The following GALNT17 variants were observed in gnomAD, a reference collection of about 807,000 sequenced individuals.
The protein encoded by GALNT17 is UDP-GalNAc:polypeptide N-acetylgalactosaminyltransferase-like 3.
In GALNT17, 29 loss-of-function variants were observed where a neutral mutation model predicts 63.7. The ratio of observed to expected loss-of-function variants is 0.46; its 90% CI spans 0.34 to 0.62. GALNT17 has a LOEUF of 0.62. Ranked by LOEUF, GALNT17 falls within the 20% of genes least tolerant of loss-of-function variation. GALNT17 has a pLI of 0.01. For missense variants in GALNT17, 603 were observed against 799.6 expected, an observed-to-expected ratio of 0.75 and a Z score of 2.97; for synonymous variants, 305 against 318.3, an observed-to-expected ratio of 0.96 and a Z score of 0.45.
At chr7:71,259,512 T>C (rs971498802) in intron 1 of GALNT17, among the ~76,000 whole-genome samples, 57 of 152,176 alleles carry the variant, frequency 3.7e-4, no homozygotes, top group Admixed American at 2.7e-3. Context: ...CCCTGTCCTG[T>C]GTCTCAGATC....
intron 5 of GALNT17, among the ~76,000 whole-genome samples, chr7:71,481,458 G>A (rs1787815979): frequency 6.6e-6 from 1 of 152,062 alleles, no homozygotes; most frequent in Non-Finnish European, 1.5e-5. Flanking sequence ...TCAAAAAAAA[G>A]AAAAAGGCTG....
At chr7:71,312,032 C>T (rs1454828115) in intron 1 of GALNT17, among the ~76,000 whole-genome samples, 2 of 152,204 alleles carry the variant, frequency 1.3e-5, no homozygotes, top group Non-Finnish European at 2.9e-5. Flanking sequence ...ATAGCAACAC[C>T]AGGCAGTTAC....
intron 5 of GALNT17, among the ~76,000 whole-genome samples, chr7:71,437,671 C>T (rs1198027646): frequency 2.0e-5 from 3 of 152,070 alleles, no homozygotes; most frequent in African/African-American, 7.2e-5. Context: ...AGAACATCTC[C>T]CAGGTTCTGG....
At chr7:71,289,974 G>A (rs1292935790) in intron 1 of GALNT17, among the ~76,000 whole-genome samples, 4 of 152,062 alleles carry the variant, frequency 2.6e-5, no homozygotes, top group African/African-American at 7.2e-5. Context: ...GAACCCGTGA[G>A]GCGGAGGTTG....
chr7:71,616,813 A>G (rs1460257058), intron 6 of GALNT17, among the ~76,000 whole-genome samples: 1 of 90,070 alleles, frequency 1.1e-5, no homozygotes, highest in Non-Finnish European at 2.3e-5. Flanking sequence ...TACATTAGTT[A>G]ATTATATAAT....
intron 1 of GALNT17, among the ~76,000 whole-genome samples, chr7:71,189,974 C>G (rs1039607699): frequency 6.6e-6 from 1 of 151,972 alleles, no homozygotes; most frequent in Admixed American, 6.6e-5. Flanking sequence ...CCACGCCTGG[C>G]TAATTTTTTT....
chr7:71,266,886 G>A (rs1287154351), intron 1 of GALNT17, among the ~76,000 whole-genome samples: 3 of 152,102 alleles, frequency 2.0e-5, no homozygotes, highest in African/African-American at 7.2e-5. Context: ...AAATTGGTGA[G>A]AATTTAGTAA....
At chr7:71,642,473 T>C (rs1213448183) in intron 6 of GALNT17, among the ~76,000 whole-genome samples, 1 of 152,186 alleles carries the variant, frequency 6.6e-6, no homozygotes, top group Non-Finnish European at 1.5e-5. Flanking sequence ...TGCAGATTCA[T>C]GGACAACCAA....
In GALNT17 at chr7:71,266,608, G is replaced by T. The variant is rs140958403; in HGVS notation, c.239-68942G>T. Among the ~76,000 whole-genome samples, 863 of 152,290 alleles carry T rather than the reference G, an allele frequency of 5.7e-3. 42 individuals are homozygous for T. Among genetic ancestry groups the T allele is most frequent in the Non-Finnish European group, 8.5e-4 (58 of 68,032 alleles). The stretch of plus-strand genomic sequence containing the variant: ...TCAGGTAGAGCTTTATAGGTATAGA[G>T]ATTGGACTAATACATCTGCAAAGCC... On this transcript the variant is annotated intron_variant, in intron 1 of 10. Coordinates refer to ENST00000333538, the MANE Select transcript of GALNT17 (RefSeq NM_022479.3).
intron 5 of GALNT17, among the ~76,000 whole-genome samples, chr7:71,422,286 C>T (rs577447666): frequency 5.3e-5 from 8 of 152,266 alleles, no homozygotes; most frequent in Non-Finnish European, 8.8e-5. Flanking sequence ...CCCTTCATCA[C>T]GTGACCTTTT....
chr7:71,210,275 C>T (rs537820719), intron 1 of GALNT17, among the ~76,000 whole-genome samples: 57 of 152,224 alleles, frequency 3.7e-4, no homozygotes, highest in African/African-American at 1.3e-3. Context: ...TTTCACAACA[C>T]GTGGGAATTC....
intron 1 of GALNT17, among the ~76,000 whole-genome samples, chr7:71,303,838 C>G (rs1791242678): frequency 6.6e-6 from 1 of 152,140 alleles, no homozygotes; most frequent in African/African-American, 2.4e-5. Flanking sequence ...GGAAGTCTGA[C>G]AGCAAAACTT....
chr7:71,493,514 C>T (rs558679651), intron 5 of GALNT17, among the ~76,000 whole-genome samples: 4 of 152,138 alleles, frequency 2.6e-5, no homozygotes, highest in South Asian at 4.2e-4. Flanking sequence ...GTGAAAGGCA[C>T]GTCTTACAGG....
chr7:71,173,774 AAAAT>A (rs532181346), intron 1 of GALNT17, among the ~76,000 whole-genome samples: 3 of 146,192 alleles, frequency 2.1e-5, no homozygotes, highest in Non-Finnish European at 3.0e-5. Context: ...CTCTGTCTCA[AAAAT>A]AAATAAATAA....
intron 1 of GALNT17, among the ~76,000 whole-genome samples, chr7:71,240,088 C>T (rs1789965557): frequency 6.6e-6 from 1 of 152,072 alleles, no homozygotes; most frequent in South Asian, 2.1e-4. Flanking sequence ...CACGTTTTCC[C>T]TTAGAGGGTG....
At chr7:71,508,506 G>A (rs761128337) in intron 5 of GALNT17, among the ~76,000 whole-genome samples, 1 of 152,084 alleles carries the variant, frequency 6.6e-6, no homozygotes, top group Non-Finnish European at 1.5e-5. Context: ...CTGCCTCCTT[G>A]GAAGCTAGAG....
intron 6 of GALNT17, among the ~76,000 whole-genome samples, chr7:71,650,816 G>A (rs1475271907): frequency 6.6e-6 from 1 of 152,096 alleles, no homozygotes; most frequent in African/African-American, 2.4e-5. Context: ...CTACACCAAA[G>A]GTTCTAAAGT....
chr7:71,518,569 A>T (rs911239243), intron 5 of GALNT17, among the ~76,000 whole-genome samples: 1 of 152,176 alleles, frequency 6.6e-6, no homozygotes, highest in Admixed American at 6.5e-5. Context: ...ATGGCTTGAG[A>T]TTGTGATTTC....
chr7:71,240,009 G>A (rs1258124395), intron 1 of GALNT17, among the ~76,000 whole-genome samples: 2 of 152,064 alleles, frequency 1.3e-5, no homozygotes, highest in Non-Finnish European at 2.9e-5. Flanking sequence ...TTACATTTGG[G>A]TGTTTTAAGA....
Sources: allele counts gnomAD v4.1 joint callset (sites outside exome capture counted in the v4.1 genomes callset), GRCh38; gene constraint gnomAD v4.1.1; transcripts MANE v1.5; gene names NCBI Gene and HGNC (gene_info 2026-07-23, HGNC 2026-07-21).